SRSF2: variants seen among roughly 807,000 people sequenced by gnomAD.
SRSF2 encodes the protein serine/arginine-rich splicing factor 2.
Under a neutral mutation model 15.7 loss-of-function variants are expected in SRSF2, and 4 were observed. That is an observed-to-expected ratio of 0.26 (90% CI 0.13 to 0.58). The LOEUF (loss-of-function observed/expected upper bound fraction) is 0.58, where lower values mean the gene tolerates loss of function less well. SRSF2 is among the 20% of genes least tolerant of loss of function. SRSF2 has a pLI of 0.90. For synonymous variants in SRSF2, 192 were observed against 138.9 expected, an observed-to-expected ratio of 1.38 and a Z score of -2.69; for missense variants, 147 against 332.4, an observed-to-expected ratio of 0.44 and a Z score of 4.34.
At chr17:76,735,562 G>T (rs747729103) in intron 2 of SRSF2, 1 of 230,844 alleles carries the variant, frequency 4.3e-6, no homozygotes, top group Non-Finnish European at 8.6e-6. Context: ...TAAAAAATAG[G>T]ACCAAACAAT....
Position 76,736,461 on chromosome 17 carries a change from A to G in SRSF2, c.366T>C (p.Pro122=). Residue 122 remains proline (P), a synonymous_variant, in exon 2 of 3, where the codon CCT becomes CCC. Transcript: ENST00000359995. ...GGGATCGGCTGCGGCGACGCCGCCTAGGGCTGCGGGCGGGACGAGCAAGCA... is the reference window on the plus strand; with the variant it reads ...GGGATCGGCTGCGGCGACGCCGCCTGGGGCTGCGGGCGGGACGAGCAAGCA... ...GGGYGRRSRS[P]RRRRRSRSRS... 3 of 1,610,368 alleles carry G rather than the reference A, an allele frequency of 1.9e-6. No homozygotes were observed. The highest frequency in any genetic ancestry group is 2.5e-6 in the Non-Finnish European group (3 of 1,179,448).
At chr17:76,736,014 G>A in intron 2 of SRSF2, 140 bp downstream of exon 2, 1 of 818,202 alleles carries the variant, frequency 1.2e-6, no homozygotes, top group Non-Finnish European at 1.9e-6. Flanking sequence ...CCTCTCTTCA[G>A]TATTACTCCC....
rs774227432 is a variant in SRSF2 at position 76,736,332 on chromosome 17, G to C, written c.495C>G (p.Ser165=). 3 of 1,614,100 alleles carry C rather than the reference G, an allele frequency of 1.9e-6. No homozygotes were observed. Among genetic ancestry groups the C allele is most frequent in the African/African-American group, 1.3e-5 (1 of 75,022 alleles). Reference sequence around the variant, plus strand: ...AGGACTTGGACTTGGACCTTCGTGCGGATCTGGACTTGGAGGTCGACCGAG... The same window carrying C: ...AGGACTTGGACTTGGACCTTCGTGCCGATCTGGACTTGGAGGTCGACCGAG... ...SRSRSTSKSR[S]ARRSKSKSSS... Residue 165 remains serine, a synonymous_variant, in exon 2 of 3, where the codon TCC becomes TCG. Coordinates refer to ENST00000359995, the MANE Select transcript of SRSF2 (RefSeq NM_001195427.2).
intron 1 of SRSF2, 113 bp downstream of exon 1, chr17:76,736,686 A>G (rs1043146559): frequency 8.1e-7 from 1 of 1,240,594 alleles, no homozygotes; most frequent in Non-Finnish European, 1.0e-6. Context: ...CGCGGCGTGC[A>G]CCCCCGCCCC....
At chr17:76,735,526 T>C (rs895527857) in intron 2 of SRSF2, 21 of 230,248 alleles carry the variant, frequency 9.1e-5, no homozygotes, top group Non-Finnish European at 1.4e-4. Flanking sequence ...CTTTAATATC[T>C]GAGCTACTTA....
intron 1 of SRSF2, 57 bp downstream of exon 1, chr17:76,736,742 G>C: frequency 7.2e-7 from 1 of 1,389,568 alleles, no homozygotes; most frequent in Non-Finnish European, 9.3e-7. Context: ...TTGTGAGGTC[G>C]CCCGGGCCTC....
chr17:76,735,515 A>G (rs1031829895), intron 2 of SRSF2: 2 of 229,730 alleles, frequency 8.7e-6, no homozygotes, highest in Non-Finnish European at 1.7e-5. Context: ...TGAGAATACT[A>G]CTTTAATATC....
intron 1 of SRSF2, 64 bp downstream of exon 1, chr17:76,736,735 T>C: frequency 7.2e-7 from 1 of 1,384,654 alleles, no homozygotes; most frequent in Non-Finnish European, 9.3e-7. Context: ...CGGACCTTTG[T>C]GAGGTCGCCC....
At position 76,736,782 on chromosome 17, in the gene SRSF2, C is replaced by T. The variant is rs2077523727; in HGVS notation, c.362+17G>A. The T allele has an allele frequency of 2.1e-6, 3 of 1,427,976 alleles. No homozygotes were observed. Among genetic ancestry groups the T allele is most frequent in the Non-Finnish European group, 2.7e-6 (3 of 1,097,856 alleles). 88.5% of individuals were successfully genotyped at this position (1,427,976 alleles called of 1,614,324 possible). On this transcript the variant is annotated intron_variant, in intron 1 of 2. Transcript: ENST00000359995. The stretch of plus-strand genomic sequence containing the variant: ...GCGCCCCGCCCCGCCTCCCGCGGTC[C>T]CCTCAGCCCCGTTTACCTGCGGCTC...
rs577138635 is a variant in SRSF2 at position 76,737,303 on chromosome 17, C to T, written c.-143G>A. 384 of 1,199,124 alleles carry T rather than the reference C, an allele frequency of 3.2e-4. No individual in the cohort carries two copies. Among genetic ancestry groups the T allele is most frequent in the Middle Eastern group, 5.8e-4 (2 of 3,442 alleles). 74.3% of individuals were successfully genotyped at this position (1,199,124 alleles called of 1,614,324 possible). On this transcript the variant is annotated 5_prime_UTR_variant, in exon 1 of 3. Coordinates refer to ENST00000359995, the MANE Select transcript of SRSF2 (RefSeq NM_001195427.2). ...TGCCGCAGAACAGCACGGACGGGCT[C>T]CGCAGGCTAGCGCACCTGAGTAACA...
rs2077535432 is a variant in SRSF2 at position 76,736,984 on chromosome 17, G to A, written c.177C>T (p.Phe59=). 6.2e-7 allele frequency: 1 copy of A among 1,613,542 alleles called. No homozygotes were observed. The highest frequency in any genetic ancestry group is 8.5e-7 in the Non-Finnish European group (1 of 1,179,918). The change falls in exon 1 of 3, where the codon TTC becomes TTT. Residue 59 remains phenylalanine, a synonymous_variant. Transcript: ENST00000359995. ...RYTKESRGFA[F]VRFHDKRDAE... ...CGTCGCGCTTGTCGTGAAAGCGAACGAAGGCGAAGCCGCGGGACTCCTTGG... is the reference window on the plus strand; with the variant it reads ...CGTCGCGCTTGTCGTGAAAGCGAACAAAGGCGAAGCCGCGGGACTCCTTGG...
chr17:76,736,629 G>A (rs768995336), intron 1 of SRSF2, 165 bp from the exon 2 acceptor site: 48 of 1,151,684 alleles, frequency 4.2e-5, no homozygotes, highest in Non-Finnish European at 5.2e-5. Flanking sequence ...GGCCACTCCC[G>A]GGTCGCAGAC....
At chr17:76,737,344 G>C (rs1231964625), upstream of SRSF2, 6 of 754,468 alleles carry the variant, frequency 8.0e-6, no homozygotes, top group Non-Finnish European at 4.0e-6. Flanking sequence ...GCGGGCAGCC[G>C]GCCTCTGCGC....
In SRSF2 at chr17:76,735,076, T is replaced by G. The variant is rs2077394598; in HGVS notation, c.*90A>C. ...ACAAAATAACCTTTTCAATAGCCAG[T>G]TGCTTGTTCCAAGGACTCTTCTTCG... is the stretch of plus-strand genomic sequence containing the variant. On this transcript the variant is annotated 3_prime_UTR_variant, in exon 3 of 3. Coordinates refer to ENST00000359995, the MANE Select transcript of SRSF2 (RefSeq NM_001195427.2). 4.6e-6 allele frequency: 1 copy of G among 219,778 alleles called. No individual in the cohort carries two copies. 13.6% of individuals were successfully genotyped at this position (219,778 alleles called of 1,614,324 possible).
chr17:76,735,680 C>T (rs547366739), intron 2 of SRSF2: 1 of 253,540 alleles, frequency 3.9e-6, no homozygotes, highest in East Asian at 6.0e-5. Flanking sequence ...TTTGCCACAT[C>T]CATTAGAATA....
At chr17:76,736,669 C>T (rs943123753) in intron 1 of SRSF2, 130 bp downstream of exon 1, 70 of 1,222,006 alleles carry the variant, frequency 5.7e-5, no homozygotes, top group Non-Finnish European at 7.2e-5. Flanking sequence ...GCCGGAGGGT[C>T]GCGAGACGCG....
rs546284289 is a variant in SRSF2, at chr17:76,737,119, G to A, written c.42C>T (p.Thr14=). 9 of 1,603,714 alleles carry A rather than the reference G, an allele frequency of 5.6e-6. No homozygotes were observed. Among genetic ancestry groups the A allele is most frequent in the Admixed American group, 1.7e-5 (1 of 59,140 alleles). The part of the protein sequence containing the change: ...GRPPPDVEGM[T]SLKVDNLTYR... ...AGGTCAGGTTGTCCACCTTGAGGGA[G>A]GTCATACCCTCCACATCGGGAGGGG... The change falls in exon 1 of 3, where the codon ACC becomes ACT. Residue 14 remains threonine, a synonymous_variant. Transcript: ENST00000359995.
rs2077462159 is a variant in SRSF2, at chr17:76,736,272, G to A, written c.555C>T (p.Ser185=). The change falls in exon 2 of 3, where the codon TCC becomes TCT. Residue 185 remains serine (S), a synonymous_variant. Transcript: ENST00000359995. ...GGGGAGGACTCCTGGACCGAGACCG[G>A]GACCTGGACCGCGAACGAGATCTGG... ...SVSRSRSRSR[S]RSRSRSPPPV... 1 of 1,614,176 alleles carries A rather than the reference G, an allele frequency of 6.2e-7. No homozygotes were observed. Among genetic ancestry groups the A allele is most frequent in the Non-Finnish European group, 8.5e-7 (1 of 1,180,028 alleles).
chr17:76,735,395 GAAAA>G (rs948623170), intron 2 of SRSF2: 1 of 133,712 alleles, frequency 7.5e-6, no homozygotes, highest in African/African-American at 3.4e-5. Flanking sequence ...GTAAGGGGAA[GAAAA>G]AAAAAGAAAA....
Sources: allele counts gnomAD v4.1 joint callset, GRCh38; gene constraint gnomAD v4.1.1; transcripts MANE v1.5; gene names NCBI Gene and HGNC (gene_info 2026-07-23, HGNC 2026-07-21).